CDC42BPB: variants seen among roughly 807,000 people sequenced by gnomAD.
CDC42BPB encodes CDC42 binding protein kinase beta.
CDC42BPB carries 37 observed loss-of-function variants against 214.9 expected under a neutral mutation model. That is an observed-to-expected ratio of 0.17 (90% CI 0.13 to 0.23). The LOEUF is 0.23. Ranked by LOEUF, CDC42BPB falls within the 10% of genes least tolerant of loss-of-function variation. The pLI is 1.00. For missense variants in CDC42BPB, 1,694 were observed against 2,227.0 expected (o/e 0.76, Z 4.82); for synonymous variants, 931 against 884.0 (o/e 1.05, Z -0.94).
chr14:102,993,805 G>A (rs78443355), intron 5 of CDC42BPB, among the ~76,000 whole-genome samples: 4,063 of 152,262 alleles, frequency 0.027, 168 homozygotes, highest in African/African-American at 0.092. Flanking sequence ...AGGAGGTTGT[G>A]TAACAAGCTC....
chr14:103,044,101 G>A (rs931288634), intron 1 of CDC42BPB, among the ~76,000 whole-genome samples: 8 of 152,120 alleles, frequency 5.3e-5, no homozygotes, highest in African/African-American at 1.7e-4. Flanking sequence ...CCACATATTT[G>A]AATTCAGTTT....
At chr14:102,938,205 G>C (rs752235290) in intron 35 of CDC42BPB, 31 bp from the exon 36 acceptor site, 2 of 1,610,534 alleles carry the variant, frequency 1.2e-6, no homozygotes, top group East Asian at 2.2e-5. Flanking sequence ...TCCTCTTAGG[G>C]AGAAAGTCAA....
chr14:102,968,192 AT>A, intron 16 of CDC42BPB, 60 bp downstream of exon 16: 14 of 1,231,258 alleles, frequency 1.1e-5, no homozygotes, highest in East Asian at 2.3e-5. Context: ...ATTAAAAATA[AT>A]TTTTTTTTAA....
rs368931708 is a variant in CDC42BPB, at chr14:102,940,108, C to A, written c.4529G>T (p.Gly1510Val). 1.9e-6 allele frequency: 3 copies of A among 1,613,850 alleles called. No homozygotes were observed. Among genetic ancestry groups the A allele is most frequent in the Non-Finnish European group, 2.5e-6 (3 of 1,180,044 alleles). ...CTCGCAGTTGAGGAGGTTGAGGGTG[C>A]CTTCAGAGTTCAGGGGCCTTATCTG... ...LRRIRPLNSE[G>V]TLNLLNCEPP... The change falls in exon 32 of 37, where the codon GGC becomes GTC. Residue 1510 changes from glycine to valine, a missense_variant. By Grantham distance (109) the Gly-to-Val change is moderately radical (BLOSUM62 -3). This residue lies in a region of CDC42BPB where 567 missense variants were observed against 790.3 expected (regional missense o/e 0.72). Transcript: ENST00000361246.
chr14:102,945,796 GT>G, intron 28 of CDC42BPB, 72 bp from the exon 29 acceptor site: 1 of 1,329,804 alleles, frequency 7.5e-7, no homozygotes, highest in Non-Finnish European at 1.1e-6. Flanking sequence ...GAATGCGTGG[GT>G]GGGCTCATTC....
chr14:102,984,738 A>C lies in CDC42BPB; in HGVS notation c.691-982T>G, dbSNP rs563148347. On this transcript the variant is annotated intron_variant, in intron 6 of 36. Coordinates refer to ENST00000361246, the MANE Select transcript of CDC42BPB (RefSeq NM_006035.4). ...GGCTCAGGCAGGAACTGGAGACAACAACCACAGGCCTGTCTGGGGAAGGCC... is the reference window on the plus strand; with the variant it reads ...GGCTCAGGCAGGAACTGGAGACAACCACCACAGGCCTGTCTGGGGAAGGCC... Among the ~76,000 whole-genome samples, 32 of 152,134 alleles carry C rather than the reference A, an allele frequency of 2.1e-4. 1 individual carries two copies. Among genetic ancestry groups the C allele is most frequent in the Admixed American group, 1.1e-3 (17 of 15,288 alleles).
At position 102,970,195 on chromosome 14, in the gene CDC42BPB, C is replaced by G. The variant is rs138666514; in HGVS notation, c.1951G>C (p.Glu651Gln). The G allele has an allele frequency of 1.2e-6, 2 of 1,613,980 alleles. No homozygotes were observed. The highest frequency in any genetic ancestry group is 1.1e-5 in the South Asian group (1 of 91,014). ...CTTTCCATTTGCTTGCAGAAGTTCT[C>G]GCTGTGCTCACGAAGCTTGCGCTCC... ...SKERKLREHS[E>Q]NFCKQMESEL... Residue 651 changes from glutamate (E) to glutamine (Q), a missense_variant, in exon 14 of 37, where the codon GAG becomes CAG. Around this residue, in one of 7 missense-constraint regions of CDC42BPB, gnomAD observed 462 missense variants for 513.5 expected, o/e 0.90. Coordinates refer to ENST00000361246, the MANE Select transcript of CDC42BPB (RefSeq NM_006035.4).
intron 2 of CDC42BPB, among the ~76,000 whole-genome samples, chr14:103,010,783 G>A (rs549241785): frequency 1.3e-5 from 2 of 152,232 alleles, no homozygotes; most frequent in Admixed American, 6.5e-5. Flanking sequence ...TGTAATCCCA[G>A]CACTTTGGGA....
Position 103,057,188 on chromosome 14 carries a change from C to T in CDC42BPB, c.-15G>A. 1 of 1,372,134 alleles carries T rather than the reference C, an allele frequency of 7.3e-7. No homozygotes were observed. Among genetic ancestry groups the T allele is most frequent in the Non-Finnish European group, 9.5e-7 (1 of 1,056,582 alleles). The allele number at this position is 1,372,134 out of a possible 1,614,324, so 85.0% of individuals were successfully genotyped here. A position where few individuals can be genotyped will look rare whatever the true frequency, so the allele number is the denominator to read the frequency against. ...TTGGCCGACATGGTGCCGCGCGGCC[C>T]GCTCCCGACGCGCCGGCCTCTCACC... On this transcript the variant is annotated 5_prime_UTR_variant, in exon 1 of 37. Transcript: ENST00000361246.
At chr14:103,014,835 C>T (rs746534110) in intron 1 of CDC42BPB, among the ~76,000 whole-genome samples, 4 of 151,974 alleles carry the variant, frequency 2.6e-5, no homozygotes, top group Admixed American at 1.3e-4. Context: ...CCAGCCTGGG[C>T]GACAGAGTGA....
chr14:102,956,792 G>A (rs1008735923), intron 21 of CDC42BPB, among the ~76,000 whole-genome samples: 1 of 152,068 alleles, frequency 6.6e-6, no homozygotes, highest in Admixed American at 6.6e-5. Flanking sequence ...TGGTGGCACG[G>A]CACTCCAGCC....
intron 36 of CDC42BPB, among the ~76,000 whole-genome samples, chr14:102,935,438 A>C (rs901457961): frequency 6.6e-6 from 1 of 152,258 alleles, no homozygotes; most frequent in Non-Finnish European, 1.5e-5. Flanking sequence ...CATTGCTGAA[A>C]AAATAGCTTA....
intron 7 of CDC42BPB, among the ~76,000 whole-genome samples, chr14:102,982,608 C>G (rs941770444): frequency 6.6e-6 from 1 of 152,086 alleles, no homozygotes; most frequent in East Asian, 1.9e-4. Flanking sequence ...GTCTCTACTA[C>G]TAATACAAAA....
intron 18 of CDC42BPB, among the ~76,000 whole-genome samples, chr14:102,965,581 T>G (rs1403565460): frequency 6.6e-6 from 1 of 152,192 alleles, no homozygotes; most frequent in Admixed American, 6.5e-5. Flanking sequence ...TGTTTTTTCT[T>G]TTTTAAAACA....
At chr14:102,946,928 C>T in intron 27 of CDC42BPB, 1 of 910,768 alleles carries the variant, frequency 1.1e-6, no homozygotes, top group South Asian at 5.0e-5. Flanking sequence ...GTTAATTCTG[C>T]TTTTGTCAAA....
At chr14:102,987,318 C>T (rs1894287623) in intron 5 of CDC42BPB, among the ~76,000 whole-genome samples, 1 of 152,238 alleles carries the variant, frequency 6.6e-6, no homozygotes, top group African/African-American at 2.4e-5. Context: ...AACACATGTG[C>T]GGGTGCAGGG....
At chr14:103,035,848 T>C (rs1887633923) in intron 1 of CDC42BPB, among the ~76,000 whole-genome samples, 1 of 148,634 alleles carries the variant, frequency 6.7e-6, no homozygotes, top group South Asian at 2.1e-4. Context: ...TCAAAAAAAA[T>C]AAAAAATAAA....
At chr14:103,047,275 C>CTCTG (rs113061486) in intron 1 of CDC42BPB, among the ~76,000 whole-genome samples, 4,133 of 105,390 alleles carry the variant, frequency 0.039, 285 homozygotes, top group African/African-American at 0.18. Context: ...CAGAGTAATA[C>CTCTG]TCTCAAAAAA....
At chr14:103,020,798 C>A (rs529363603) in intron 1 of CDC42BPB, among the ~76,000 whole-genome samples, 2 of 152,370 alleles carry the variant, frequency 1.3e-5, no homozygotes, top group African/African-American at 2.4e-5. Context: ...TTTATTCTTA[C>A]GGTTCAGACG....
Sources: gnomAD v4.1 joint callset for allele counts (sites outside exome capture counted in the v4.1 genomes callset) on GRCh38, gnomAD v4.1.1 for gene constraint, gnomAD v4.1.1 regional missense constraint, MANE v1.5 for transcripts, NCBI Gene and HGNC (gene_info 2026-07-23, HGNC 2026-07-21) for gene names.